FHIT: variants seen among roughly 807,000 people sequenced by gnomAD.
The protein encoded by FHIT is bis(5'-adenosyl)-triphosphatase.
Under a neutral mutation model 17.9 loss-of-function variants are expected in FHIT, and 19 were observed. The observed-to-expected ratio is 1.06, with a 90% CI of 0.74 to 1.56. The LOEUF (loss-of-function observed/expected upper bound fraction) is 1.56, where lower values mean the gene tolerates loss of function less well. Ranked by LOEUF, FHIT falls within the 40% of genes most tolerant of loss-of-function variation. The pLI, the probability that FHIT is intolerant of heterozygous loss-of-function variation, is 0.00. For synonymous variants in FHIT, 81 were observed against 69.7 expected (o/e 1.16, Z -0.81); for missense variants, 248 against 189.2 (o/e 1.31, Z -1.82).
At chr3:60,533,845 T>C (rs941009286) in intron 5 of FHIT, among the ~76,000 whole-genome samples, 2 of 152,166 alleles carry the variant, frequency 1.3e-5, no homozygotes, top group African/African-American at 4.8e-5. Flanking sequence ...TATTGGTTTA[T>C]TAACAAGGGA....
At chr3:60,513,940 T>C (rs539405363) in intron 5 of FHIT, among the ~76,000 whole-genome samples, 95 of 152,152 alleles carry the variant, frequency 6.2e-4, no homozygotes, top group African/African-American at 2.3e-3. Context: ...AGGAGAGAAG[T>C]GTCTGAACGT....
At chr3:60,630,983 A>T (rs982932857) in intron 4 of FHIT, among the ~76,000 whole-genome samples, 14 of 150,210 alleles carry the variant, frequency 9.3e-5, no homozygotes, top group African/African-American at 3.2e-4. Flanking sequence ...AGTAAAAAAC[A>T]CTCTCAATCT....
At chr3:60,220,832 G>A (rs1015429468) in intron 5 of FHIT, among the ~76,000 whole-genome samples, 20 of 152,142 alleles carry the variant, frequency 1.3e-4, no homozygotes, top group African/African-American at 4.8e-4. Flanking sequence ...CTTCACAGCA[G>A]TATTAGAAAA....
chr3:60,571,913 A>G (rs766709015), intron 4 of FHIT, among the ~76,000 whole-genome samples: 1 of 152,212 alleles, frequency 6.6e-6, no homozygotes, highest in Non-Finnish European at 1.5e-5. Flanking sequence ...CAGGAATAGA[A>G]TATGAGATTC....
intron 5 of FHIT, among the ~76,000 whole-genome samples, chr3:60,203,684 C>G (rs1703023995): frequency 6.6e-6 from 1 of 152,082 alleles, no homozygotes; most frequent in Admixed American, 6.6e-5. Flanking sequence ...TATGTACACA[C>G]TGGTATGAAC....
intron 5 of FHIT, among the ~76,000 whole-genome samples, chr3:60,028,895 C>T (rs1158788300): frequency 1.3e-5 from 2 of 148,816 alleles, no homozygotes; most frequent in African/African-American, 5.0e-5. Context: ...ACATTGAAAA[C>T]ACAAAGGATG....
chr3:60,986,885 C>T (rs1201056913), intron 3 of FHIT, among the ~76,000 whole-genome samples: 1 of 152,148 alleles, frequency 6.6e-6, no homozygotes, highest in African/African-American at 2.4e-5. Flanking sequence ...AAAAATATCT[C>T]CCATAGTGCT....
intron 5 of FHIT, among the ~76,000 whole-genome samples, chr3:60,262,609 C>T (rs1199882794): frequency 6.6e-6 from 1 of 151,900 alleles, no homozygotes; most frequent in Non-Finnish European, 1.5e-5. Flanking sequence ...AGACCCAACC[C>T]TTTTTACCTC....
At chr3:59,780,923 G>A (rs1702555108) in intron 8 of FHIT, among the ~76,000 whole-genome samples, 1 of 152,192 alleles carries the variant, frequency 6.6e-6, no homozygotes, top group South Asian at 2.1e-4. Flanking sequence ...GAGAGGATTA[G>A]AAGATAAATT....
intron 5 of FHIT, among the ~76,000 whole-genome samples, chr3:60,517,506 C>T (rs2107556876): frequency 6.6e-6 from 1 of 152,308 alleles, no homozygotes; most frequent in African/African-American, 2.4e-5. Flanking sequence ...ACTGATATTA[C>T]TATGAATTTT....
At chr3:60,013,984 T>A in intron 6 of FHIT, 23 bp downstream of exon 6, 1 of 1,611,378 alleles carries the variant, frequency 6.2e-7, no homozygotes, top group Non-Finnish European at 8.5e-7. Context: ...GAAAAATCAT[T>A]TCTGAGAAAT....
intron 4 of FHIT, among the ~76,000 whole-genome samples, chr3:60,657,567 T>A (rs1374295038): frequency 2.6e-5 from 4 of 152,188 alleles, no homozygotes; most frequent in Non-Finnish European, 5.9e-5. Flanking sequence ...ATGTATTATG[T>A]ACCATCTGTG....
At chr3:60,912,127 G>T (rs1706778316) in intron 3 of FHIT, among the ~76,000 whole-genome samples, 1 of 151,862 alleles carries the variant, frequency 6.6e-6, no homozygotes, top group Non-Finnish European at 1.5e-5. Context: ...CAATTATACT[G>T]CATGGAGGAA....
At chr3:61,121,507 G>A (rs2036456312) in intron 2 of FHIT, among the ~76,000 whole-genome samples, 1 of 152,102 alleles carries the variant, frequency 6.6e-6, no homozygotes, top group Non-Finnish European at 1.5e-5. Flanking sequence ...AAGCACAGGA[G>A]AAATAAAATC....
At chr3:60,848,854 G>T (rs1392397189) in intron 3 of FHIT, among the ~76,000 whole-genome samples, 1 of 152,052 alleles carries the variant, frequency 6.6e-6, no homozygotes, top group African/African-American at 2.4e-5. Flanking sequence ...ACCTTAAGTA[G>T]ATGTTACTCC....
At chr3:60,493,100 G>T (rs150317625) in intron 5 of FHIT, among the ~76,000 whole-genome samples, 39 of 152,230 alleles carry the variant, frequency 2.6e-4, no homozygotes, top group African/African-American at 9.4e-4. Context: ...TACTTGTCGA[G>T]AAAAGGGCAA....
At chr3:61,068,075 A>C (rs919826161) in intron 2 of FHIT, among the ~76,000 whole-genome samples, 13 of 152,090 alleles carry the variant, frequency 8.5e-5, no homozygotes, top group African/African-American at 3.1e-4. Flanking sequence ...GAGGCCTGAG[A>C]ATTTGCATTT....
At chr3:60,291,834 T>C (rs73836413) in intron 5 of FHIT, among the ~76,000 whole-genome samples, 21 of 152,132 alleles carry the variant, frequency 1.4e-4, no homozygotes, top group African/African-American at 5.1e-4. Flanking sequence ...AGAGGAAAGA[T>C]TGGAGCCAGA....
At chr3:59,752,515 T>C (rs1559571380) in intron 8 of FHIT, among the ~76,000 whole-genome samples, 194 bp from the exon 9 acceptor site, 1 of 152,120 alleles carries the variant, frequency 6.6e-6, no homozygotes, top group African/African-American at 2.4e-5. Context: ...ATCAGATCAT[T>C]TGCCATCTTG....
Sources: gnomAD v4.1 joint callset for allele counts (sites outside exome capture counted in the v4.1 genomes callset) on GRCh38, gnomAD v4.1.1 for gene constraint, MANE v1.5 for transcripts, NCBI Gene and HGNC (gene_info 2026-07-23, HGNC 2026-07-21) for gene names.